The following CAMTA1 variants were observed in gnomAD, a reference collection of about 807,000 sequenced individuals.
The protein encoded by CAMTA1 is calmodulin-binding transcription activator 1.
Under a neutral mutation model 170.9 loss-of-function variants are expected in CAMTA1, and 27 were observed. The ratio of observed to expected loss-of-function variants is 0.16; its 90% confidence interval spans 0.12 to 0.22. The LOEUF is 0.22. Among genes scored for constraint, CAMTA1 ranks in the 10% least tolerant of loss-of-function variants. CAMTA1 has a pLI of 1.00. For synonymous variants in CAMTA1, 833 were observed against 891.5 expected (o/e 0.93, Z 1.17); for missense variants, 1,619 against 2,217.2 (o/e 0.73, Z 5.42).
chr1:6,954,133 T>TGCCA (rs569305790), intron 3 of CAMTA1, among the ~76,000 whole-genome samples: 82 of 152,316 alleles, frequency 5.4e-4, no homozygotes, highest in Admixed American at 9.8e-4. Context: ...GTGTTGCTTT[T>TGCCA]GCCAGCCAGC....
chr1:6,919,874 C>T (rs1681621714), intron 3 of CAMTA1, among the ~76,000 whole-genome samples: 1 of 152,044 alleles, frequency 6.6e-6, no homozygotes, highest in African/African-American at 2.4e-5. Context: ...ACCCACCCCC[C>T]TAATTCAGTC....
At chr1:7,597,621 C>T (rs538187080) in intron 6 of CAMTA1, among the ~76,000 whole-genome samples, 1 of 152,004 alleles carries the variant, frequency 6.6e-6, no homozygotes, top group Non-Finnish European at 1.5e-5. Context: ...GCTCCAAATT[C>T]TACAGAGTAG....
chr1:6,945,851 C>T (rs1055776567), intron 3 of CAMTA1, among the ~76,000 whole-genome samples: 2 of 152,196 alleles, frequency 1.3e-5, no homozygotes, highest in Non-Finnish European at 2.9e-5. Context: ...CTTTTTATTG[C>T]TGGATAACAT....
chr1:7,318,983 T>C (rs1298074851), intron 5 of CAMTA1, among the ~76,000 whole-genome samples: 1 of 152,208 alleles, frequency 6.6e-6, no homozygotes, highest in Non-Finnish European at 1.5e-5. Flanking sequence ...AGTCTCAGCT[T>C]ATTGAATTGT....
At chr1:7,329,531 C>T (rs990643322) in intron 5 of CAMTA1, among the ~76,000 whole-genome samples, 1 of 152,086 alleles carries the variant, frequency 6.6e-6, no homozygotes, top group South Asian at 2.1e-4. Context: ...TCTGAAAACT[C>T]TTTTTTATGT....
chr1:7,364,246 A>G (rs905182712), intron 5 of CAMTA1, among the ~76,000 whole-genome samples: 1 of 152,204 alleles, frequency 6.6e-6, no homozygotes, highest in Admixed American at 6.5e-5. Flanking sequence ...GTCTTAGTCC[A>G]TGCATGGTGC....
In CAMTA1 at chr1:7,156,198, T is replaced by G. The variant is rs1646875366; in HGVS notation, c.302+64827T>G. ...CTGAGGCAGGAGAATCGCTTGAACCTGGGAGACGGAGATTGCAGTGAGCTG... is the reference window on the plus strand; with the variant it reads ...CTGAGGCAGGAGAATCGCTTGAACCGGGGAGACGGAGATTGCAGTGAGCTG... On this transcript the variant is annotated intron_variant, in intron 4 of 22. Coordinates refer to ENST00000303635, the MANE Select transcript of CAMTA1 (RefSeq NM_015215.4). 2.0e-5 allele frequency among the ~76,000 whole-genome samples: 3 copies of G among 148,772 alleles called. No homozygotes were observed. In the Admixed American group the frequency reaches 2.0e-4, roughly 10 times the overall value.
chr1:7,383,882 G>A (rs2087633739), intron 5 of CAMTA1, among the ~76,000 whole-genome samples: 1 of 152,164 alleles, frequency 6.6e-6, no homozygotes. Context: ...ATGTGCCAAT[G>A]ACACCCTCGG....
chr1:6,958,045 C>T (rs145399391), intron 3 of CAMTA1, among the ~76,000 whole-genome samples: 106 of 152,308 alleles, frequency 7.0e-4, no homozygotes, highest in African/African-American at 2.4e-3. Context: ...CAGTCAGAGA[C>T]AGGGTGTGGT....
At chr1:7,371,754 T>G (rs1194772904) in intron 5 of CAMTA1, among the ~76,000 whole-genome samples, 1 of 152,242 alleles carries the variant, frequency 6.6e-6, no homozygotes, top group Non-Finnish European at 1.5e-5. Context: ...TGAACCCGTT[T>G]CCATGATCTT....
At chr1:7,489,635 G>A (rs2093672946) in intron 6 of CAMTA1, among the ~76,000 whole-genome samples, 2 of 152,162 alleles carry the variant, frequency 1.3e-5, no homozygotes, top group Non-Finnish European at 2.9e-5. Flanking sequence ...CAAGTTATTT[G>A]GAATGCAAAG....
intron 12 of CAMTA1, among the ~76,000 whole-genome samples, chr1:7,735,494 C>T (rs4908688): frequency 0.15 from 23,275 of 151,390 alleles, 2,267 homozygotes; most frequent in East Asian, 0.32. Context: ...GTGAAAGAGC[C>T]GCTATACCCG....
intron 5 of CAMTA1, among the ~76,000 whole-genome samples, chr1:7,396,959 T>A (rs1044222993): frequency 6.6e-6 from 1 of 152,218 alleles, no homozygotes; most frequent in African/African-American, 2.4e-5. Flanking sequence ...CAGTTTTCTT[T>A]TCTGTGTGAG....
At chr1:6,901,128 G>C (rs964687982) in intron 3 of CAMTA1, among the ~76,000 whole-genome samples, 1 of 152,168 alleles carries the variant, frequency 6.6e-6, no homozygotes, top group Non-Finnish European at 1.5e-5. Context: ...AGGTGCAAAG[G>C]GAATTCAATG....
chr1:7,451,375 C>T (rs1474003079), intron 5 of CAMTA1, among the ~76,000 whole-genome samples: 1 of 152,168 alleles, frequency 6.6e-6, no homozygotes, highest in Non-Finnish European at 1.5e-5. Context: ...GGATCTCCCT[C>T]CTACTGTGGC....
intron 5 of CAMTA1, among the ~76,000 whole-genome samples, chr1:7,316,015 T>C (rs887442750): frequency 6.6e-6 from 1 of 152,162 alleles, no homozygotes; most frequent in Non-Finnish European, 1.5e-5. Flanking sequence ...AGAAGCAAGC[T>C]TGGACCTTCT....
chr1:7,219,626 T>G (rs1327726530), intron 4 of CAMTA1: 1 of 149,082 alleles, frequency 6.7e-6, no homozygotes, highest in African/African-American at 2.5e-5. Context: ...AGAATCCATG[T>G]GCTGAAGCCT....
At chr1:7,068,877 T>TA (rs1638226917) in intron 3 of CAMTA1, among the ~76,000 whole-genome samples, 1 of 152,172 alleles carries the variant, frequency 6.6e-6, no homozygotes, top group South Asian at 2.1e-4. Context: ...CAAGCAGATA[T>TA]ATCAGCATGT....
intron 4 of CAMTA1, among the ~76,000 whole-genome samples, chr1:7,164,587 A>G (rs1342400434): frequency 6.6e-6 from 1 of 152,226 alleles, no homozygotes; most frequent in Non-Finnish European, 1.5e-5. Context: ...CCATCCTGTC[A>G]TGTGCGGAAT....
Sources: allele counts gnomAD v4.1 joint callset (sites outside exome capture counted in the v4.1 genomes callset), GRCh38; gene constraint gnomAD v4.1.1; transcripts MANE v1.5; gene names NCBI Gene and HGNC (gene_info 2026-07-23, HGNC 2026-07-21).